Variants in CA4 observed in about 807,000 individuals in gnomAD.
CA4 encodes the protein carbonic anhydrase 4, also known as CA-IV.
CA4 carries 24 observed loss-of-function variants against 34.5 expected under a neutral mutation model. The observed-to-expected ratio is 0.70, with a 90% confidence interval of 0.50 to 0.98. CA4 has a LOEUF of 0.98. Ranked by LOEUF, CA4 falls within the 50% of genes least tolerant of loss-of-function variation. The pLI is 0.00. For missense variants in CA4, 394 were observed against 396.7 expected (o/e 0.99, Z 0.06); for synonymous variants, 178 against 170.6 (o/e 1.04, Z -0.34).
chr17:60,170,982 C>T (rs765866269), downstream of CA4: 3 of 152,240 alleles, frequency 2.0e-5, no homozygotes, highest in Admixed American at 6.5e-5. Flanking sequence ...TGTGACACCA[C>T]AGGCAAGTGA....
At chr17:60,166,433 G>A (rs1249749086) in intron 5 of CA4, among the ~76,000 whole-genome samples, 3 of 152,138 alleles carry the variant, frequency 2.0e-5, no homozygotes, top group African/African-American at 7.2e-5. Context: ...TGTGTCTTTA[G>A]GATAGATTTC....
chr17:60,156,035 G>A (rs1003011628), intron 2 of CA4, among the ~76,000 whole-genome samples: 6 of 152,076 alleles, frequency 3.9e-5, no homozygotes, highest in Admixed American at 6.5e-5. Flanking sequence ...ACCAGGGTTC[G>A]GGGAACCAGC....
In CA4 at chr17:60,157,700, T is replaced by C. The variant is rs1444798664; in HGVS notation, c.425T>C (p.Val142Ala). ...GEHFAMEMHIVHEKEKGTSRN... is the reference protein window; with the variant it reads ...GEHFAMEMHIAHEKEKGTSRN... ...CTCCACCCCGACCAGATGCACATAGTACATGAGAAAGAGAAGGGGACATCG... is the reference window on the plus strand; with the variant it reads ...CTCCACCCCGACCAGATGCACATAGCACATGAGAAAGAGAAGGGGACATCG... Residue 142 changes from valine to alanine, a missense_variant, in exon 5 of 8, where the codon GTA becomes GCA. By Grantham distance (64) the Val-to-Ala change is moderately conservative. Transcript: ENST00000300900. 2 of 1,613,672 alleles carry C rather than the reference T, an allele frequency of 1.2e-6. No homozygotes were observed. The highest frequency in any genetic ancestry group is 2.2e-5 in the East Asian group (1 of 44,868).
At chr17:60,167,972 G>T (rs2083871817) in intron 5 of CA4, among the ~76,000 whole-genome samples, 1 of 152,102 alleles carries the variant, frequency 6.6e-6, no homozygotes, top group African/African-American at 2.4e-5. Context: ...ACTTGCCTGG[G>T]TCTACTGCCT....
At chr17:60,160,750 CA>C (rs201178794), downstream of CA4, among the ~76,000 whole-genome samples, 22,945 of 129,538 alleles carry the variant, frequency 0.18, 4,131 homozygotes, top group African/African-American at 0.48. Context: ...GACTCTGTCT[CA>C]AAAAAAAAAA....
At chr17:60,178,666 C>A in the CA4 span, among the ~76,000 whole-genome samples, 1 of 151,974 alleles carries the variant, frequency 6.6e-6, no homozygotes, top group Admixed American at 6.6e-5. Flanking sequence ...ATAAATACAA[C>A]GGCAAAAACA....
chr17:60,162,373 C>G (rs988129277), downstream of CA4, among the ~76,000 whole-genome samples: 2 of 152,138 alleles, frequency 1.3e-5, no homozygotes, highest in African/African-American at 4.8e-5. Flanking sequence ...CCAGCAGACC[C>G]CCACCCTGGG....
At chr17:60,167,457 G>A (rs2083867107) in intron 5 of CA4, among the ~76,000 whole-genome samples, 1 of 152,246 alleles carries the variant, frequency 6.6e-6, no homozygotes, top group African/African-American at 2.4e-5. Context: ...TCACGTCTTA[G>A]TCATCAGAGC....
chr17:60,159,351 G>T lies in CA4; in HGVS notation c.866G>T (p.Arg289Leu). 1 of 1,610,172 alleles carries T rather than the reference G, an allele frequency of 6.2e-7. No individual in the cohort carries two copies. Reference protein sequence around the residue: ...RTVIKSGAPGRPLPWALPALL... With the variant: ...RTVIKSGAPGLPLPWALPALL... Reference sequence around the variant, plus strand: ...GTGATAAAGTCCGGGGCCCCGGGTCGGCCGCTGCCCTGGGCCCTGCCTGCC... The same window carrying T: ...GTGATAAAGTCCGGGGCCCCGGGTCTGCCGCTGCCCTGGGCCCTGCCTGCC... Residue 289 changes from arginine (R) to leucine (L), a missense_variant, in exon 8 of 8, where the codon CGG (arginine) becomes CTG (leucine). Arg to Leu is a moderately radical substitution (Grantham distance 102). Transcript: ENST00000300900.
At position 60,150,025 on chromosome 17, in the gene CA4, G is replaced by A. The variant is rs2083558726; in HGVS notation, c.-10G>A. On this transcript the variant is annotated 5_prime_UTR_variant, in exon 1 of 8. Coordinates refer to ENST00000300900, the MANE Select transcript of CA4 (RefSeq NM_000717.5). ...CCCCCGGCTCAGAGGACTCTTTGCT[G>A]TCCCGCAAGATGCGGATGCTGCTGG... The A allele has an allele frequency of 6.2e-7, 1 of 1,602,026 alleles. No homozygotes were observed. The highest frequency in any genetic ancestry group is 2.2e-5 in the East Asian group (1 of 44,800).
downstream of CA4, among the ~76,000 whole-genome samples, chr17:60,172,918 T>TG (rs2083924051): frequency 6.7e-6 from 1 of 149,542 alleles, no homozygotes; most frequent in Non-Finnish European, 1.5e-5. Context: ...CCGAGGTGGG[T>TG]GGATCACCTG....
intron 7 of CA4, 75 bp from the exon 8 acceptor site, chr17:60,159,155 G>T: frequency 7.5e-7 from 1 of 1,325,480 alleles, no homozygotes; most frequent in Non-Finnish European, 1.1e-6. Flanking sequence ...ACAGGATGAG[G>T]TGCCTGCCTG....
At chr17:60,160,166 C>A (rs532479404), downstream of CA4, among the ~76,000 whole-genome samples, 7 of 152,234 alleles carry the variant, frequency 4.6e-5, no homozygotes, top group East Asian at 3.9e-4. Flanking sequence ...AGGCCATATA[C>A]TGAGGCTAGG....
At chr17:60,168,802 A>G (rs1441810051) in intron 5 of CA4, among the ~76,000 whole-genome samples, 1 of 152,084 alleles carries the variant, frequency 6.6e-6, no homozygotes, top group East Asian at 1.9e-4. Flanking sequence ...AGCACACTTG[A>G]GATACCCTCT....
chr17:60,171,529 TGA>T (rs1178507706), downstream of CA4, among the ~76,000 whole-genome samples: 2 of 152,226 alleles, frequency 1.3e-5, no homozygotes, highest in Non-Finnish European at 2.9e-5. Flanking sequence ...GCAGACCAAA[TGA>T]GAGTGTTCTC....
intron 5 of CA4, 97 bp downstream of exon 5, chr17:60,157,885 G>A (rs746575977): frequency 4.7e-5 from 71 of 1,503,910 alleles, no homozygotes; most frequent in Non-Finnish European, 6.2e-5. Context: ...GGAGGGGGCG[G>A]GGAGACTCCA....
chr17:60,155,977 T>C (rs1054090226), intron 2 of CA4, among the ~76,000 whole-genome samples: 14 of 152,182 alleles, frequency 9.2e-5, no homozygotes, highest in Non-Finnish European at 5.9e-5. Flanking sequence ...TTTTGGTGAC[T>C]GAGCAGTGCT....
chr17:60,173,752 A>G (rs2083933328), downstream of CA4, among the ~76,000 whole-genome samples: 1 of 152,224 alleles, frequency 6.6e-6, no homozygotes, highest in South Asian at 2.1e-4. Flanking sequence ...AACTTATTAG[A>G]ATGCAGATTC....
At chr17:60,175,671 A>C (rs1244154798), downstream of CA4, among the ~76,000 whole-genome samples, 1 of 91,128 alleles carries the variant, frequency 1.1e-5, no homozygotes, top group South Asian at 2.5e-4. Context: ...TCCGTCTCAA[A>C]AAAAAAAAAA....
Sources: gnomAD v4.1 joint callset for allele counts (sites outside exome capture counted in the v4.1 genomes callset) on GRCh38, gnomAD v4.1.1 for gene constraint, MANE v1.5 for transcripts, NCBI Gene and HGNC (gene_info 2026-07-23, HGNC 2026-07-21) for gene names.